RASGRP3: variants seen among roughly 807,000 people sequenced by gnomAD.
RASGRP3 encodes RAS guanyl releasing protein 3, also known as ras guanyl-releasing protein 3.
Under a neutral mutation model 82.7 loss-of-function variants are expected in RASGRP3, and 54 were observed. The ratio of observed to expected loss-of-function variants is 0.65; its 90% CI spans 0.52 to 0.82. RASGRP3 has a LOEUF of 0.82. Ranked by LOEUF, RASGRP3 falls within the 40% of genes least tolerant of loss-of-function variation. The pLI, the probability that RASGRP3 is intolerant of heterozygous loss-of-function variation, is 0.00. For missense variants in RASGRP3, 861 were observed against 828.9 expected (o/e 1.04, Z -0.48); for synonymous variants, 309 against 300.5 (o/e 1.03, Z -0.29).
At chr2:33,484,643 A>G (rs776120182) in intron 1 of RASGRP3, among the ~76,000 whole-genome samples, 13 of 152,096 alleles carry the variant, frequency 8.5e-5, no homozygotes, top group Non-Finnish European at 1.2e-4. Context: ...AAATTAATCC[A>G]TCTCTTTCTA....
chr2:33,482,790 C>A (rs998966182), intron 1 of RASGRP3: 2 of 152,202 alleles, frequency 1.3e-5, no homozygotes, highest in African/African-American at 4.8e-5. Flanking sequence ...TGCATATTGT[C>A]ATGGCCAGGG....
upstream of RASGRP3, chr2:33,476,252 C>CGAGTTGGT (rs1323219439): frequency 1.3e-5 from 2 of 152,184 alleles, no homozygotes; most frequent in Non-Finnish European, 2.9e-5. Flanking sequence ...ACCTGCTGTG[C>CGAGTTGGT]GAGTTGGTGA....
chr2:33,518,172 T>C (rs1185809666), intron 4 of RASGRP3, among the ~76,000 whole-genome samples: 2 of 152,192 alleles, frequency 1.3e-5, no homozygotes, highest in Non-Finnish European at 2.9e-5. Context: ...TAGAGTGCAC[T>C]CACACAAGCC....
At chr2:33,516,784 T>G in intron 4 of RASGRP3, 140 bp downstream of exon 4, 4 of 584,534 alleles carry the variant, frequency 6.8e-6, no homozygotes, top group Non-Finnish European at 1.2e-5. Flanking sequence ...TATATAGATG[T>G]CTAGACAAAA....
chr2:33,482,891 A>G (rs1302004858), intron 1 of RASGRP3: 5 of 152,230 alleles, frequency 3.3e-5, no homozygotes, highest in Admixed American at 2.0e-4. Flanking sequence ...CTGAGTATGA[A>G]TGTGAAAGGT....
rs1668711359 is a variant in RASGRP3 at position 33,489,968 on chromosome 2, C to T, written c.-261+13261C>T. Among the ~76,000 whole-genome samples, 6 of 152,344 alleles carry T rather than the reference C, an allele frequency of 3.9e-5. No individual in the cohort carries two copies. The South Asian group carries it at 1.2e-3, about 32-fold the overall frequency. On this transcript the variant is annotated intron_variant, in intron 1 of 17. Transcript: ENST00000403687. Reference sequence around the variant, plus strand: ...TCTTCAAAAACTCAGGAAAAGAGAACTGAGGGCATCAGAGCAGGCTGATTT... The same window carrying T: ...TCTTCAAAAACTCAGGAAAAGAGAATTGAGGGCATCAGAGCAGGCTGATTT...
chr2:33,550,288 C>A (rs1675234177), intron 14 of RASGRP3, among the ~76,000 whole-genome samples: 1 of 152,188 alleles, frequency 6.6e-6, no homozygotes, highest in East Asian at 1.9e-4. Context: ...ATCCTCATAG[C>A]AAGCCCTTGA....
intron 12 of RASGRP3, among the ~76,000 whole-genome samples, chr2:33,541,774 CT>C (rs57124690): frequency 1.4e-5 from 2 of 145,792 alleles, no homozygotes; most frequent in Admixed American, 7.0e-5. Flanking sequence ...GTTAATTGAG[CT>C]TTTTTGGTTC....
intron 1 of RASGRP3, among the ~76,000 whole-genome samples, chr2:33,497,950 G>A (rs77164165): frequency 0.016 from 2,414 of 151,534 alleles, 111 homozygotes; most frequent in East Asian, 0.11. Flanking sequence ...ACAGATTTCT[G>A]GCCTACACTG....
intron 1 of RASGRP3, among the ~76,000 whole-genome samples, chr2:33,495,894 G>A (rs1669261865): frequency 6.6e-6 from 1 of 152,206 alleles, no homozygotes; most frequent in Non-Finnish European, 1.5e-5. Context: ...GGGGAACTGG[G>A]AGTCAGTCAG....
intron 1 of RASGRP3, among the ~76,000 whole-genome samples, chr2:33,445,735 A>G (rs1171267397): frequency 6.6e-6 from 1 of 151,912 alleles, no homozygotes; most frequent in Non-Finnish European, 1.5e-5. Flanking sequence ...TAATAATTAT[A>G]TCACATTAAT....
At chr2:33,499,320 G>C (rs1035419111) in intron 1 of RASGRP3, among the ~76,000 whole-genome samples, 14 of 152,188 alleles carry the variant, frequency 9.2e-5, no homozygotes, top group Admixed American at 9.2e-4. Flanking sequence ...CACTTTGGGA[G>C]ACCGAGGTGG....
intron 3 of RASGRP3, among the ~76,000 whole-genome samples, chr2:33,515,662 T>G (rs17013200): frequency 2.0e-5 from 3 of 152,068 alleles, no homozygotes; most frequent in African/African-American, 7.3e-5. Context: ...CTCAGACGAA[T>G]GTGAGTAGCA....
intron 1 of RASGRP3, chr2:33,436,665 C>T (rs867978661): frequency 6.6e-6 from 1 of 152,190 alleles, no homozygotes; most frequent in African/African-American, 2.4e-5. Context: ...TAGCCACAGA[C>T]AATGGATATG....
intron 1 of RASGRP3, among the ~76,000 whole-genome samples, chr2:33,438,920 T>C (rs1056078732): frequency 6.6e-6 from 1 of 152,134 alleles, no homozygotes; most frequent in African/African-American, 2.4e-5. Context: ...CCAAATACAA[T>C]GTACAACTTG....
At chr2:33,508,625 C>T (rs1670630036) in intron 1 of RASGRP3, among the ~76,000 whole-genome samples, 1 of 152,082 alleles carries the variant, frequency 6.6e-6, no homozygotes, top group African/African-American at 2.4e-5. Flanking sequence ...GGTCATCTGC[C>T]AGAAGGTATG....
chr2:33,443,447 G>A (rs1217955544), intron 1 of RASGRP3, among the ~76,000 whole-genome samples: 2 of 152,102 alleles, frequency 1.3e-5, no homozygotes, highest in African/African-American at 2.4e-5. Flanking sequence ...TTCTTTGGAT[G>A]GGGAAACTAA....
intron 10 of RASGRP3, among the ~76,000 whole-genome samples, chr2:33,531,522 C>G (rs966205677): frequency 6.6e-6 from 1 of 152,160 alleles, no homozygotes; most frequent in African/African-American, 2.4e-5. Flanking sequence ...GGAAGCCAAA[C>G]CCTGCATTTG....
intron 10 of RASGRP3, chr2:33,534,045 C>A: frequency 2.7e-6 from 1 of 371,730 alleles, no homozygotes; most frequent in South Asian, 4.8e-5. Context: ...TCACATATCC[C>A]TCATCCGTGA....
Sources: allele counts gnomAD v4.1 joint callset (sites outside exome capture counted in the v4.1 genomes callset), GRCh38; gene constraint gnomAD v4.1.1; transcripts MANE v1.5; gene names NCBI Gene and HGNC (gene_info 2026-07-23, HGNC 2026-07-21).